The following RGS6 variants were observed in gnomAD, a reference collection of about 807,000 sequenced individuals.
The protein encoded by RGS6 is regulator of G-protein signaling 6.
RGS6 carries 30 observed loss-of-function variants against 78.5 expected under a neutral mutation model. The observed-to-expected ratio is 0.38, with a 90% CI of 0.29 to 0.52. The LOEUF is 0.52. Among genes scored for constraint, RGS6 ranks in the 20% least tolerant of loss-of-function variants. RGS6 has a pLI of 0.85. For missense variants in RGS6, 495 were observed against 609.7 expected (o/e 0.81, Z 1.98); for synonymous variants, 206 against 206.0 (o/e 1.00, Z 0.00).
chr14:72,212,260 A>C (rs1339639309), intron 2 of RGS6, among the ~76,000 whole-genome samples: 3 of 152,166 alleles, frequency 2.0e-5, no homozygotes, highest in Non-Finnish European at 2.9e-5. Flanking sequence ...TGCTTTGGGG[A>C]CATGACAATG....
intron 2 of RGS6, among the ~76,000 whole-genome samples, chr14:72,019,194 G>C (rs961903038): frequency 7.2e-5 from 11 of 152,212 alleles, no homozygotes; most frequent in Admixed American, 7.2e-4. Flanking sequence ...GGCAGAGCCA[G>C]GCCAAAAACC....
chr14:71,983,134 G>C (rs970661914), intron 2 of RGS6, among the ~76,000 whole-genome samples: 5 of 152,162 alleles, frequency 3.3e-5, no homozygotes, highest in African/African-American at 1.2e-4. Flanking sequence ...ATCTGGACTG[G>C]GCATCTGGAT....
chr14:72,541,764 C>T (rs1598912299), intron 17 of RGS6: 3 of 781,808 alleles, frequency 3.8e-6, no homozygotes, highest in African/African-American at 3.5e-5. Flanking sequence ...TTGAGGGTGA[C>T]CGTGCAGGCC....
Position 72,280,682 on chromosome 14 carries a change from C to T in RGS6, c.85-71413C>T, listed in dbSNP as rs368639024. On this transcript the variant is annotated intron_variant, in intron 2 of 17. Transcript: ENST00000553525. Reference sequence around the variant, plus strand: ...CAGAAGAGACATTTTATTATTTAATCTCTCACTGTCTAATATCATAGAAAT... The same window carrying T: ...CAGAAGAGACATTTTATTATTTAATTTCTCACTGTCTAATATCATAGAAAT... Among the ~76,000 whole-genome samples, 469 of 152,334 alleles carry T rather than the reference C, an allele frequency of 3.1e-3. 8 individuals carry two copies. In the South Asian group the frequency reaches 0.032, roughly 11 times the overall value.
At chr14:72,217,238 G>A (rs2045806769) in intron 2 of RGS6, among the ~76,000 whole-genome samples, 1 of 152,198 alleles carries the variant, frequency 6.6e-6, no homozygotes, top group African/African-American at 2.4e-5. Flanking sequence ...TAAAGAGTTT[G>A]AGAACACCCA....
At chr14:72,320,292 C>G (rs1461204250) in intron 2 of RGS6, among the ~76,000 whole-genome samples, 3 of 152,178 alleles carry the variant, frequency 2.0e-5, no homozygotes, top group Non-Finnish European at 4.4e-5. Flanking sequence ...CTTTAAAAAA[C>G]TATTGGCTGG....
chr14:71,916,675 T>C, the RGS6 span, among the ~76,000 whole-genome samples: 1 of 152,072 alleles, frequency 6.6e-6, no homozygotes, highest in African/African-American at 2.4e-5. Context: ...TCTGAGAGGA[T>C]CAGGCAATTA....
chr14:72,040,316 G>A (rs1027597864), intron 2 of RGS6, among the ~76,000 whole-genome samples: 2 of 151,964 alleles, frequency 1.3e-5, no homozygotes, highest in Non-Finnish European at 2.9e-5. Flanking sequence ...GGCAGGTCTA[G>A]TGGGGATGAA....
chr14:72,428,416 C>T (rs1479434020), intron 3 of RGS6, among the ~76,000 whole-genome samples: 3 of 152,072 alleles, frequency 2.0e-5, no homozygotes, highest in Admixed American at 6.6e-5. Flanking sequence ...GAGGATTTCT[C>T]TGTGGGAGAT....
intron 2 of RGS6, among the ~76,000 whole-genome samples, chr14:72,054,345 G>A (rs1460222523): frequency 6.6e-6 from 1 of 152,158 alleles, no homozygotes; most frequent in Non-Finnish European, 1.5e-5. Context: ...TGGCTGCAAA[G>A]GTGGAGGAAT....
At chr14:71,985,795 G>T (rs773684850) in intron 2 of RGS6, among the ~76,000 whole-genome samples, 17 of 152,056 alleles carry the variant, frequency 1.1e-4, no homozygotes, top group African/African-American at 3.9e-4. Flanking sequence ...AGAAATTTTC[G>T]ACTTGGAACC....
chr14:71,921,137 C>A, the RGS6 span, among the ~76,000 whole-genome samples: 138 of 152,142 alleles, frequency 9.1e-4, 4 homozygotes, highest in Non-Finnish European at 1.9e-4. Context: ...GAAATGCAAA[C>A]CAAAACCACA....
the RGS6 span, among the ~76,000 whole-genome samples, chr14:72,615,337 C>T: frequency 2.0e-5 from 3 of 152,234 alleles, no homozygotes; most frequent in East Asian, 1.9e-4. Context: ...CTTTCTTCAG[C>T]GGCATAAAAG....
chr14:72,531,845 T>C (rs931992544), intron 15 of RGS6, among the ~76,000 whole-genome samples: 3 of 152,190 alleles, frequency 2.0e-5, no homozygotes, highest in Non-Finnish European at 2.9e-5. Context: ...AAGTATATAA[T>C]ATATTGTTTT....
intron 8 of RGS6, 68 bp downstream of exon 8, chr14:72,470,151 T>C: frequency 8.2e-7 from 1 of 1,220,270 alleles, no homozygotes; most frequent in East Asian, 2.3e-5. Context: ...GGTGTGAAGG[T>C]GGGATTGTCA....
intron 2 of RGS6, among the ~76,000 whole-genome samples, chr14:72,270,190 C>T (rs1402208843): frequency 6.6e-6 from 1 of 152,150 alleles, no homozygotes; most frequent in Non-Finnish European, 1.5e-5. Context: ...CTCCTCTTTG[C>T]GTTCAGAATG....
chr14:72,245,533 T>C (rs1473024822), intron 2 of RGS6, among the ~76,000 whole-genome samples: 2 of 152,244 alleles, frequency 1.3e-5, no homozygotes, highest in Non-Finnish European at 2.9e-5. Flanking sequence ...ATGCTTTTGT[T>C]TGTGGCTTGA....
chr14:72,553,687 C>T (rs1366384860), intron 17 of RGS6, among the ~76,000 whole-genome samples: 1 of 152,182 alleles, frequency 6.6e-6, no homozygotes, highest in Non-Finnish European at 1.5e-5. Context: ...TTCTCCTAGT[C>T]CCATTCCCTA....
chr14:71,879,259 G>T, the RGS6 span, among the ~76,000 whole-genome samples: 2 of 152,196 alleles, frequency 1.3e-5, no homozygotes, highest in African/African-American at 4.8e-5. Flanking sequence ...TCTGAAATTT[G>T]CTGTATTTAG....
Sources: allele counts gnomAD v4.1 joint callset (sites outside exome capture counted in the v4.1 genomes callset), GRCh38; gene constraint gnomAD v4.1.1; transcripts MANE v1.5; gene names NCBI Gene and HGNC (gene_info 2026-07-23, HGNC 2026-07-21).